The following EMCN variants were observed in gnomAD, a reference collection of about 807,000 sequenced individuals.
EMCN encodes the protein endomucin.
EMCN carries 37 observed loss-of-function variants against 38.4 expected under a neutral mutation model. That is an observed-to-expected ratio of 0.96 (90% CI 0.74 to 1.27). The LOEUF (loss-of-function observed/expected upper bound fraction) is 1.27, where lower values mean the gene tolerates loss of function less well. EMCN is among the 50% of genes most tolerant of loss of function. The pLI, the probability that EMCN is intolerant of heterozygous loss-of-function variation, is 0.00. For missense variants in EMCN, 318 were observed against 302.8 expected, an observed-to-expected ratio of 1.05 and a Z score of -0.37; for synonymous variants, 95 against 100.8, an observed-to-expected ratio of 0.94 and a Z score of 0.35.
intron 5 of EMCN, among the ~76,000 whole-genome samples, chr4:100,430,184 T>C (rs1727157444): frequency 6.6e-6 from 1 of 152,144 alleles, no homozygotes; most frequent in South Asian, 2.1e-4. Context: ...TTAATTATTG[T>C]ATTATTAGTA....
chr4:100,457,207 TGTGTGTGTGC>T (rs1728042007), intron 4 of EMCN, among the ~76,000 whole-genome samples: 1 of 100,510 alleles, frequency 9.9e-6, no homozygotes, highest in South Asian at 4.3e-4. Flanking sequence ...TGTGTGTGTG[TGTGTGTGTGC>T]GATCATTAGT....
chr4:100,504,350 C>G (rs1343350462), intron 1 of EMCN, among the ~76,000 whole-genome samples: 2 of 152,154 alleles, frequency 1.3e-5, no homozygotes. Context: ...TGAGAATAAG[C>G]CTTGTGGGCG....
rs145533189 is a variant in EMCN at position 100,513,584 on chromosome 4, T to C, written c.64+4267A>G. Among the ~76,000 whole-genome samples the C allele has an allele frequency of 9.8e-3, 1,489 of 152,286 alleles. 24 individuals carry two copies. The highest frequency in any genetic ancestry group is 0.034 in the African/African-American group (1,403 of 41,568). ...ATAAGTAGAGCTGGTTCTGTTTAGATATTCTTCCCCAAAGTGGTTATAGTT... is the reference window on the plus strand; with the variant it reads ...ATAAGTAGAGCTGGTTCTGTTTAGACATTCTTCCCCAAAGTGGTTATAGTT... On this transcript the variant is annotated intron_variant, in intron 1 of 11. Transcript: ENST00000296420.
rs947262698 is a variant in EMCN at position 100,421,354 on chromosome 4, C to G, written c.592G>C (p.Ala198Pro). The G allele has an allele frequency of 5.0e-6, 8 of 1,612,396 alleles. No homozygotes were observed. In the African/African-American group the frequency reaches 6.7e-5, roughly 13 times the overall value. The change falls in exon 8 of 12, where the codon GCT becomes CCT. Residue 198 changes from alanine (A) to proline (P), a missense_variant. Transcript: ENST00000296420. ...ACTGAAAGTGTTATTACAATCAAAG[C>G]AATAACCACCGGCAAAATAATACCT... The part of the protein sequence containing the change: ...YSSIILPVVI[A>P]LIVITLSVFV...
At chr4:100,462,579 A>G (rs1000447573) in intron 4 of EMCN, among the ~76,000 whole-genome samples, 3 of 152,140 alleles carry the variant, frequency 2.0e-5, no homozygotes, top group Admixed American at 2.0e-4. Flanking sequence ...ATATATATAT[A>G]GTAGTTTTAT....
chr4:100,458,434 T>A (rs1728078604), intron 4 of EMCN, among the ~76,000 whole-genome samples: 1 of 152,200 alleles, frequency 6.6e-6, no homozygotes, highest in Admixed American at 6.5e-5. Flanking sequence ...GATTCCCTAA[T>A]GTGTCTACAA....
chr4:100,490,174 T>TA (rs35563606), intron 1 of EMCN, among the ~76,000 whole-genome samples: 55,040 of 120,206 alleles, frequency 0.46, 11,001 homozygotes, highest in East Asian at 0.72. Context: ...CTTGAAAAAG[T>TA]AAAAAAAAAA....
intron 3 of EMCN, among the ~76,000 whole-genome samples, chr4:100,471,618 T>C (rs988754338): frequency 5.9e-5 from 9 of 151,908 alleles, no homozygotes; most frequent in Admixed American, 2.0e-4. Flanking sequence ...ATTTCAAAAC[T>C]AGACAAATAC....
At position 100,445,400 on chromosome 4, in the gene EMCN, T is replaced by C. The variant is rs756957590; in HGVS notation, c.415+2133A>G. The stretch of plus-strand genomic sequence containing the variant: ...TCATCAATTTCTAGACGCTTAATAA[T>C]AGTTTTTGAAGTCGTTGCAAAAATG... On this transcript the variant is annotated intron_variant, in intron 5 of 11. Transcript: ENST00000296420. 3.0e-4 allele frequency among the ~76,000 whole-genome samples: 46 copies of C among 152,196 alleles called. 1 individual carries two copies. The highest frequency in any genetic ancestry group is 2.0e-4 in the Admixed American group (3 of 15,282).
intron 1 of EMCN, among the ~76,000 whole-genome samples, chr4:100,517,466 A>T (rs1729788287): frequency 6.6e-6 from 1 of 152,114 alleles, no homozygotes; most frequent in Non-Finnish European, 1.5e-5. Flanking sequence ...CTCCGATTAC[A>T]GCCTTTCACC....
intron 3 of EMCN, among the ~76,000 whole-genome samples, chr4:100,470,380 A>AAAAC (rs1427471094): frequency 1.3e-5 from 2 of 151,132 alleles, no homozygotes; most frequent in African/African-American, 4.9e-5. Flanking sequence ...TAAAATGTTA[A>AAAAC]AAAAAAAAAC....
intron 11 of EMCN, among the ~76,000 whole-genome samples, chr4:100,406,777 A>G (rs779338735): frequency 6.6e-6 from 1 of 152,112 alleles, no homozygotes; most frequent in African/African-American, 2.4e-5. Flanking sequence ...TAGGTCCCAG[A>G]TGTCTTTGTT....
chr4:100,431,543 C>A (rs1357050088), intron 5 of EMCN, among the ~76,000 whole-genome samples: 3 of 152,070 alleles, frequency 2.0e-5, no homozygotes, highest in Non-Finnish European at 4.4e-5. Flanking sequence ...AGTTAGGAGG[C>A]AAACTGAAAC....
At position 100,486,516 on chromosome 4, in the gene EMCN, G is replaced by GTT. The variant is rs150052374; in HGVS notation, c.65-6479_65-6478dup. 6.2e-3 allele frequency among the ~76,000 whole-genome samples: 950 copies of GTT among 152,346 alleles called. 9 individuals are homozygous for GTT. Among genetic ancestry groups the GTT allele is most frequent in the African/African-American group, 0.021 (868 of 41,584 alleles). On this transcript the variant is annotated intron_variant, in intron 1 of 11. Coordinates refer to ENST00000296420, the MANE Select transcript of EMCN (RefSeq NM_016242.4). ...TAGCAAGCACAACAGTTCTGAGAGT[G>GTT]TTTAAATTTCCTATATGAAATGACT...
At chr4:100,478,673 G>C (rs190336970) in intron 2 of EMCN, among the ~76,000 whole-genome samples, 2 of 151,988 alleles carry the variant, frequency 1.3e-5, no homozygotes, top group Non-Finnish European at 2.9e-5. Context: ...CTCTACTTTC[G>C]GATATAGCTG....
intron 4 of EMCN, among the ~76,000 whole-genome samples, chr4:100,450,346 C>T (rs116614742): frequency 1.3e-5 from 2 of 151,938 alleles, no homozygotes; most frequent in Non-Finnish European, 2.9e-5. Context: ...ATTAATCCAA[C>T]GTTAAACTTT....
intron 11 of EMCN, among the ~76,000 whole-genome samples, chr4:100,407,147 C>T (rs1039310911): frequency 6.6e-6 from 1 of 152,170 alleles, no homozygotes; most frequent in Non-Finnish European, 1.5e-5. Context: ...TTAAAGACAG[C>T]ATACACTTGG....
intron 1 of EMCN, among the ~76,000 whole-genome samples, chr4:100,515,161 G>T (rs992279): frequency 0.21 from 31,641 of 151,918 alleles, 3,463 homozygotes; most frequent in Middle Eastern, 0.31. Flanking sequence ...CCAAGTTAAG[G>T]CAAATTTCAA....
intron 1 of EMCN, among the ~76,000 whole-genome samples, chr4:100,480,516 A>T (rs1000983924): frequency 2.6e-5 from 4 of 151,524 alleles, no homozygotes; most frequent in African/African-American, 9.7e-5. Context: ...AAAATATAAA[A>T]CATTATAATT....
Sources: gnomAD v4.1 joint callset for allele counts (sites outside exome capture counted in the v4.1 genomes callset) on GRCh38, gnomAD v4.1.1 for gene constraint, MANE v1.5 for transcripts, NCBI Gene and HGNC (gene_info 2026-07-23, HGNC 2026-07-21) for gene names.